SLC8A1: variants seen among roughly 807,000 people sequenced by gnomAD.
SLC8A1 encodes the protein sodium/calcium exchanger 1.
Under a neutral mutation model 68.3 loss-of-function variants are expected in SLC8A1, and 18 were observed. That is an observed-to-expected ratio of 0.26 (90% CI 0.18 to 0.39). SLC8A1 has a LOEUF of 0.39. Among genes scored for constraint, SLC8A1 ranks in the 10% least tolerant of loss-of-function variants. SLC8A1 has a pLI of 1.00. For missense variants in SLC8A1, 985 were observed against 1,156.7 expected, an observed-to-expected ratio of 0.85 and a Z score of 2.15; for synonymous variants, 475 against 415.5, an observed-to-expected ratio of 1.14 and a Z score of -1.74.
chr2:40,499,173 G>A (rs1705895175), intron 1 of SLC8A1, among the ~76,000 whole-genome samples: 1 of 150,706 alleles, frequency 6.6e-6, no homozygotes, highest in African/African-American at 2.4e-5. Flanking sequence ...TAGTGGTATC[G>A]GACAAAAAGA....
chr2:40,244,366 A>G (rs1048896094), intron 2 of SLC8A1, among the ~76,000 whole-genome samples: 1 of 152,028 alleles, frequency 6.6e-6, no homozygotes, highest in Admixed American at 6.6e-5. Flanking sequence ...TTTCCCAACA[A>G]CACTAAGGTA....
chr2:40,157,965 G>C (rs1350197971), intron 6 of SLC8A1, among the ~76,000 whole-genome samples: 9 of 152,184 alleles, frequency 5.9e-5, no homozygotes, highest in Non-Finnish European at 2.9e-5. Flanking sequence ...AGAAAAAGCA[G>C]AGGGACAAGA....
intron 2 of SLC8A1, among the ~76,000 whole-genome samples, chr2:40,334,729 G>A (rs976183934): frequency 3.3e-5 from 5 of 152,242 alleles, no homozygotes; most frequent in East Asian, 1.9e-4. Context: ...ATCAAATGAC[G>A]TGCTATTTTC....
intron 2 of SLC8A1, among the ~76,000 whole-genome samples, chr2:40,338,459 G>A (rs544071945): frequency 6.6e-6 from 1 of 152,114 alleles, no homozygotes; most frequent in Non-Finnish European, 1.5e-5. Flanking sequence ...CTCTGAGCCT[G>A]CTGATTGAAG....
chr2:40,298,397 T>C (rs2070814926), intron 2 of SLC8A1, among the ~76,000 whole-genome samples: 1 of 152,184 alleles, frequency 6.6e-6, no homozygotes, highest in African/African-American at 2.4e-5. Context: ...CGGGTATACT[T>C]TGTTTTCAAC....
chr2:40,481,598 CT>C (rs1704632649), intron 1 of SLC8A1, among the ~76,000 whole-genome samples: 1 of 152,264 alleles, frequency 6.6e-6, no homozygotes, highest in South Asian at 2.1e-4. Context: ...CTAATACAGT[CT>C]TATACTGAAT....
intron 2 of SLC8A1, among the ~76,000 whole-genome samples, chr2:40,234,537 T>G (rs906600746): frequency 2.6e-5 from 4 of 152,224 alleles, no homozygotes; most frequent in Admixed American, 1.3e-4. Context: ...CAATCATGTC[T>G]TCTGCAAAAA....
At chr2:40,379,527 C>A (rs1681023247) in intron 2 of SLC8A1, among the ~76,000 whole-genome samples, 3 of 152,084 alleles carry the variant, frequency 2.0e-5, no homozygotes, top group Non-Finnish European at 4.4e-5. Flanking sequence ...CCCCCATGAA[C>A]CCTCTGGTCA....
intron 7 of SLC8A1, among the ~76,000 whole-genome samples, chr2:40,117,514 G>A (rs960674981): frequency 3.4e-5 from 5 of 148,554 alleles, no homozygotes; most frequent in Admixed American, 2.0e-4. Context: ...GCAATGACCC[G>A]TGACCATGCC....
At chr2:40,110,352 GACA>G (rs1272714173) in exon 8 of SLC8A1, 2 of 152,134 alleles carry the variant, frequency 1.3e-5, no homozygotes, top group African/African-American at 2.4e-5. Context: ...GTGATGGGAA[GACA>G]ACAAGATGGT....
chr2:40,381,852 C>G (rs140598900), intron 2 of SLC8A1, among the ~76,000 whole-genome samples: 17 of 151,756 alleles, frequency 1.1e-4, no homozygotes, highest in African/African-American at 2.9e-4. Flanking sequence ...AACTGACCAC[C>G]TGCTTCCTGT....
At chr2:40,460,163 G>A (rs1204745249) in intron 1 of SLC8A1, among the ~76,000 whole-genome samples, 1 of 152,146 alleles carries the variant, frequency 6.6e-6, no homozygotes, top group Non-Finnish European at 1.5e-5. Context: ...GCCTAAAATA[G>A]ATATATGAAT....
At chr2:40,264,295 T>C (rs1252237967) in intron 2 of SLC8A1, among the ~76,000 whole-genome samples, 5 of 152,076 alleles carry the variant, frequency 3.3e-5, no homozygotes, top group African/African-American at 9.7e-5. Flanking sequence ...AGTGTGGCCA[T>C]TCCTCAGGGA....
chr2:40,174,598 C>A, intron 4 of SLC8A1, 108 bp downstream of exon 6: 1 of 1,028,234 alleles, frequency 9.7e-7, no homozygotes. Flanking sequence ...CAAGAGCACA[C>A]CATGTGCCAC....
intron 6 of SLC8A1, among the ~76,000 whole-genome samples, chr2:40,147,036 C>T (rs1239661929): frequency 6.6e-6 from 1 of 152,136 alleles, no homozygotes; most frequent in Non-Finnish European, 1.5e-5. Context: ...CAAGCTTAAG[C>T]CATTATGGTC....
chr2:40,275,114 G>T (rs2149157289), intron 2 of SLC8A1, among the ~76,000 whole-genome samples: 1 of 152,300 alleles, frequency 6.6e-6, no homozygotes, highest in East Asian at 1.9e-4. Flanking sequence ...GAAGTGAATA[G>T]AATTGTATGC....
intron 2 of SLC8A1, among the ~76,000 whole-genome samples, chr2:40,359,198 TATTTTG>T (rs1416513041): frequency 6.6e-6 from 1 of 152,198 alleles, no homozygotes; most frequent in Non-Finnish European, 1.5e-5. Flanking sequence ...ATACACACTT[TATTTTG>T]AAGACTGTGA....
At chr2:40,441,875 C>G (rs1449424597) in intron 1 of SLC8A1, among the ~76,000 whole-genome samples, 1 of 151,932 alleles carries the variant, frequency 6.6e-6, no homozygotes, top group Non-Finnish European at 1.5e-5. Flanking sequence ...TTCATGACTA[C>G]ATCACCAAAA....
chr2:40,184,574 A>G lies in SLC8A1; in HGVS notation c.1809-6719T>C, dbSNP rs557035364. On this transcript the variant is annotated intron_variant, in intron 2 of 7. Transcript: ENST00000406785. ...CAAGAAAGTGATGGGAGCTCTGGCG[A>G]TACGTTTTTACACAACAGTGATTAT... is the stretch of plus-strand genomic sequence containing the variant. 5.3e-5 allele frequency among the ~76,000 whole-genome samples: 8 copies of G among 152,270 alleles called. No individual in the cohort carries two copies. In the South Asian group the frequency reaches 1.2e-3, roughly 24 times the overall value.
Sources: gnomAD v4.1 joint callset for allele counts (sites outside exome capture counted in the v4.1 genomes callset) on GRCh38, gnomAD v4.1.1 for gene constraint, MANE v1.5 for transcripts, NCBI Gene and HGNC (gene_info 2026-07-23, HGNC 2026-07-21) for gene names.